FBRSL1: variants seen among roughly 807,000 people sequenced by gnomAD.
FBRSL1 encodes the protein fibrosin-1-like protein.
Under a neutral mutation model 89.6 loss-of-function variants are expected in FBRSL1, and 51 were observed. The observed-to-expected ratio is 0.57, with a 90% CI of 0.45 to 0.72. FBRSL1 has a LOEUF of 0.72. Ranked by LOEUF, FBRSL1 falls within the 30% of genes least tolerant of loss-of-function variation. The pLI is 0.00. For synonymous variants in FBRSL1, 779 were observed against 681.1 expected, an observed-to-expected ratio of 1.14 and a Z score of -2.24; for missense variants, 1,618 against 1,451.8, an observed-to-expected ratio of 1.11 and a Z score of -1.86.
chr12:132,556,156 AG>A (rs2038616766), intron 5 of FBRSL1, among the ~76,000 whole-genome samples: 1 of 152,158 alleles, frequency 6.6e-6, no homozygotes, highest in Non-Finnish European at 1.5e-5. Context: ...ACATCCCTAT[AG>A]GTGGTTCTGG....
At chr12:132,559,926 C>T (rs1454333618) in intron 5 of FBRSL1, 2 of 148,424 alleles carry the variant, frequency 1.3e-5, no homozygotes, top group African/African-American at 4.9e-5. Context: ...TCTGCCCGCG[C>T]CCCGCCCCCG....
intron 14 of FBRSL1, among the ~76,000 whole-genome samples, chr12:132,575,851 G>C (rs2040350593): frequency 6.6e-6 from 1 of 152,270 alleles, no homozygotes; most frequent in South Asian, 2.1e-4. Flanking sequence ...GGAGGGGCCG[G>C]CCCAGGCCAG....
At chr12:132,561,012 A>C (rs941430194) in intron 5 of FBRSL1, among the ~76,000 whole-genome samples, 7 of 152,134 alleles carry the variant, frequency 4.6e-5, no homozygotes, top group African/African-American at 1.7e-4. Context: ...CAGAAGGTGC[A>C]GCTGCTGTGT....
intron 2 of FBRSL1, chr12:132,509,688 C>T (rs987059378): frequency 9.5e-5 from 117 of 1,231,644 alleles, no homozygotes; most frequent in Non-Finnish European, 1.0e-4. Flanking sequence ...CAGGCGCCTG[C>T]GGTCCCTGCT....
Position 132,490,745 on chromosome 12 carries a change from C to G in FBRSL1, c.175C>G (p.Pro59Ala). ...LRGAPPRGAAPAPRTARPPRR... is the reference protein window; with the variant it reads ...LRGAPPRGAAAAPRTARPPRR... ...CGGCGCGCCCCCCCGAGGCGCCGCC[C>G]CCGCGCCCCGCACCGCGCGTCCCCC... is the stretch of plus-strand genomic sequence containing the variant. The change falls in exon 1 of 19, where the codon CCC becomes GCC. Residue 59 changes from proline (P) to alanine (A), a missense_variant. Pro to Ala is a conservative substitution (Grantham distance 27, BLOSUM62 -1). Coordinates refer to ENST00000680143, the MANE Select transcript of FBRSL1 (RefSeq NM_001367871.1). The G allele has an allele frequency of 9.7e-7, 1 of 1,035,474 alleles. No homozygotes were observed. Among genetic ancestry groups the G allele is most frequent in the Non-Finnish European group, 1.2e-6 (1 of 867,088 alleles). 64.1% of individuals were successfully genotyped at this position (1,035,474 alleles called of 1,614,324 possible).
In FBRSL1 at chr12:132,584,158, G is replaced by A. The variant is rs1373744126; in HGVS notation, c.*380G>A. 5 of 152,486 alleles carry A rather than the reference G, an allele frequency of 3.3e-5. No individual in the cohort carries two copies. The highest frequency in any genetic ancestry group is 2.1e-4 in the South Asian group (1 of 4,832). The allele number at this position is 152,486 out of a possible 1,614,324, so 9.4% of individuals were successfully genotyped here. ...CTCAGATCCTTCTCCAGATCCCCAGGGTTTCTTTGTCTTATTTATGGAGAA... is the reference window on the plus strand; with the variant it reads ...CTCAGATCCTTCTCCAGATCCCCAGAGTTTCTTTGTCTTATTTATGGAGAA... On this transcript the variant is annotated 3_prime_UTR_variant, in exon 19 of 19. Coordinates refer to ENST00000680143, the MANE Select transcript of FBRSL1 (RefSeq NM_001367871.1).
chr12:132,551,874 C>A, intron 5 of FBRSL1: 1 of 294,580 alleles, frequency 3.4e-6, no homozygotes, highest in Non-Finnish European at 6.9e-6. Context: ...ACTCCATAGG[C>A]AGCCGCCAGG....
chr12:132,543,432 A>G (rs2037429537), intron 4 of FBRSL1, among the ~76,000 whole-genome samples: 1 of 152,176 alleles, frequency 6.6e-6, no homozygotes, highest in Non-Finnish European at 1.5e-5. Context: ...TGTGCCCAGC[A>G]TTCGACACCC....
chr12:132,576,506 G>A (rs562006782), intron 14 of FBRSL1, among the ~76,000 whole-genome samples: 6 of 152,302 alleles, frequency 3.9e-5, no homozygotes, highest in African/African-American at 1.4e-4. Context: ...ACTTTTAAAA[G>A]AATCTAAATA....
At chr12:132,537,082 G>T (rs2036827375) in intron 4 of FBRSL1, among the ~76,000 whole-genome samples, 1 of 152,214 alleles carries the variant, frequency 6.6e-6, no homozygotes, top group Non-Finnish European at 1.5e-5. Flanking sequence ...GCTGTGTGGA[G>T]ACAGCTGGAG....
chr12:132,508,901 G>T (rs2034006573), intron 2 of FBRSL1, among the ~76,000 whole-genome samples: 1 of 152,182 alleles, frequency 6.6e-6, no homozygotes, highest in African/African-American at 2.4e-5. Flanking sequence ...CCCAGGAGGG[G>T]CTGTCAGAGC....
intron 3 of FBRSL1, among the ~76,000 whole-genome samples, chr12:132,526,365 T>C (rs2035791098): frequency 6.6e-6 from 1 of 152,240 alleles, no homozygotes; most frequent in African/African-American, 2.4e-5. Context: ...GGCTGGGAAT[T>C]ACCTGGGACT....
intron 2 of FBRSL1, among the ~76,000 whole-genome samples, chr12:132,514,232 G>C (rs900152775): frequency 6.6e-6 from 1 of 152,166 alleles, no homozygotes; most frequent in Non-Finnish European, 1.5e-5. Flanking sequence ...GGGGCTGGGG[G>C]GGCACCTGGA....
intron 2 of FBRSL1, among the ~76,000 whole-genome samples, chr12:132,508,724 G>C (rs1433795189): frequency 6.6e-6 from 1 of 152,270 alleles, no homozygotes; most frequent in African/African-American, 2.4e-5. Flanking sequence ...CAGGCTCATT[G>C]CCGAGGGCTG....
chr12:132,558,136 C>G (rs1287013408), intron 5 of FBRSL1, among the ~76,000 whole-genome samples: 1 of 152,150 alleles, frequency 6.6e-6, no homozygotes, highest in East Asian at 1.9e-4. Context: ...ACGGCCCCTC[C>G]TGGCTGGCTT....
intron 4 of FBRSL1, among the ~76,000 whole-genome samples, chr12:132,530,994 T>TGG (rs55841528): frequency 0.025 from 2,122 of 86,500 alleles, 72 homozygotes; most frequent in African/African-American, 0.043. Flanking sequence ...GTGTCCAGTG[T>TGG]GGGGGGGGGG....
intron 6 of FBRSL1, among the ~76,000 whole-genome samples, chr12:132,568,199 G>A (rs2039763372): frequency 6.6e-6 from 1 of 152,254 alleles, no homozygotes; most frequent in Admixed American, 6.5e-5. Flanking sequence ...CAAGGCCTAG[G>A]CGGGCAGCAT....
intron 2 of FBRSL1, among the ~76,000 whole-genome samples, chr12:132,513,542 C>T (rs1311296324): frequency 6.6e-6 from 1 of 152,202 alleles, no homozygotes; most frequent in African/African-American, 2.4e-5. Context: ...TGACCATCAG[C>T]CCTCTGGTCA....
intron 2 of FBRSL1, among the ~76,000 whole-genome samples, chr12:132,525,401 C>T (rs1430785317): frequency 1.3e-5 from 2 of 152,202 alleles, no homozygotes; most frequent in Non-Finnish European, 2.9e-5. Context: ...GTGGAAGGGG[C>T]GGCTCCAAGC....
Sources: allele counts gnomAD v4.1 joint callset (sites outside exome capture counted in the v4.1 genomes callset), GRCh38; gene constraint gnomAD v4.1.1; transcripts MANE v1.5; gene names NCBI Gene and HGNC (gene_info 2026-07-23, HGNC 2026-07-21).